The following COL11A1 variants were observed in gnomAD, a reference collection of about 807,000 sequenced individuals.
The protein encoded by COL11A1 is collagen type XI alpha 1 chain.
Under a neutral mutation model 265.2 loss-of-function variants are expected in COL11A1, and 74 were observed. That is an observed-to-expected ratio of 0.28 (90% CI 0.23 to 0.34). The LOEUF is 0.34. Ranked by LOEUF, COL11A1 falls within the 10% of genes least tolerant of loss-of-function variation. COL11A1 has a pLI of 1.00. For missense variants in COL11A1, 2,165 were observed against 2,263.6 expected (o/e 0.96, Z 0.88); for synonymous variants, 816 against 727.6 (o/e 1.12, Z -1.96).
At chr1:102,959,082 A>T (rs572906159) in intron 41 of COL11A1, among the ~76,000 whole-genome samples, 2 of 152,176 alleles carry the variant, frequency 1.3e-5, no homozygotes, top group Admixed American at 6.5e-5. Context: ...CAATGTTGAC[A>T]TTGGTCACTG....
intron 1 of COL11A1, among the ~76,000 whole-genome samples, chr1:103,085,287 G>T (rs71592265): frequency 0.041 from 6,204 of 152,200 alleles, 139 homozygotes; most frequent in Middle Eastern, 0.092. Context: ...CCAGTTCAGG[G>T]CCCCAAATGG....
intron 8 of COL11A1, 75 bp from the exon 9 acceptor site, chr1:103,021,844 TTTTTTC>T: frequency 1.7e-6 from 2 of 1,171,858 alleles, no homozygotes; most frequent in Non-Finnish European, 2.5e-6. Flanking sequence ...TCTTCTTTTT[TTTTTTC>T]TTTCTTTCTT....
chr1:102,913,357 C>T (rs1004624638), intron 53 of COL11A1, among the ~76,000 whole-genome samples: 1 of 152,062 alleles, frequency 6.6e-6, no homozygotes, highest in African/African-American at 2.4e-5. Flanking sequence ...TTTTTTAACA[C>T]AATGGATAGA....
chr1:102,883,910 C>A (rs1650598364), intron 63 of COL11A1, among the ~76,000 whole-genome samples: 1 of 152,074 alleles, frequency 6.6e-6, no homozygotes, highest in Non-Finnish European at 1.5e-5. Context: ...AATGCCATTG[C>A]TGAAATGTTG....
intron 43 of COL11A1, 106 bp from the exon 44 acceptor site, chr1:102,939,194 T>C: frequency 5.0e-6 from 5 of 996,362 alleles, no homozygotes; most frequent in Non-Finnish European, 7.9e-6. Flanking sequence ...TACATGCTAG[T>C]GTGTAATGTC....
In COL11A1 at chr1:102,979,307, G is replaced by A. The variant is rs1662809283; in HGVS notation, c.2610+75C>T. On this transcript the variant is annotated intron_variant, in intron 32 of 66. Transcript: ENST00000370096. ...CCACCTGAGCCTCACAAATATCTGG[G>A]AATACAGGCACACACCACTATGTCC... 3 of 1,316,442 alleles carry A rather than the reference G, an allele frequency of 2.3e-6. No homozygotes were observed. In the East Asian group the frequency reaches 7.1e-5, roughly 31 times the overall value. 81.5% of individuals were successfully genotyped at this position (1,316,442 alleles called of 1,614,324 possible).
intron 41 of COL11A1, among the ~76,000 whole-genome samples, chr1:102,952,596 A>G (rs1310343278): frequency 6.6e-6 from 1 of 152,202 alleles, no homozygotes; most frequent in Non-Finnish European, 1.5e-5. Context: ...CAACAGATGA[A>G]AACAAGAGAA....
At chr1:102,909,095 C>T (rs12130285) in intron 54 of COL11A1, among the ~76,000 whole-genome samples, 9,001 of 152,094 alleles carry the variant, frequency 0.059, 330 homozygotes, top group Non-Finnish European at 0.085. Flanking sequence ...CAAATCTTGG[C>T]GGTAGAGCCC....
chr1:102,957,313 T>C (rs1427237686), intron 41 of COL11A1, among the ~76,000 whole-genome samples: 1 of 152,102 alleles, frequency 6.6e-6, no homozygotes, highest in Non-Finnish European at 1.5e-5. Flanking sequence ...ATAGTAAGGA[T>C]ATAGTGCATA....
chr1:103,078,918 C>T, intron 2 of COL11A1, 47 bp from the exon 3 acceptor site: 1 of 1,335,682 alleles, frequency 7.5e-7, no homozygotes, highest in Non-Finnish European at 1.1e-6. Context: ...TTTCCAATTT[C>T]TACTTTATTC....
intron 37 of COL11A1, among the ~76,000 whole-genome samples, chr1:102,965,818 C>A (rs535523228): frequency 6.6e-6 from 1 of 152,150 alleles, no homozygotes; most frequent in South Asian, 2.1e-4. Context: ...TCCACTAGGT[C>A]AAACAACATA....
At chr1:103,079,215 T>C (rs771379961) in intron 2 of COL11A1, among the ~76,000 whole-genome samples, 1 of 152,088 alleles carries the variant, frequency 6.6e-6, no homozygotes, top group Non-Finnish European at 1.5e-5. Flanking sequence ...TGGCCTAAAG[T>C]TTGTATTTTT....
chr1:103,044,797 A>G (rs114483319), intron 4 of COL11A1, among the ~76,000 whole-genome samples: 2,461 of 152,228 alleles, frequency 0.016, 75 homozygotes, highest in African/African-American at 0.057. Context: ...AAGCTCCTGC[A>G]TTCTAGGAGT....
chr1:103,031,300 A>G, intron 4 of COL11A1, 56 bp from the exon 5 acceptor site: 1 of 1,573,688 alleles, frequency 6.4e-7, no homozygotes, highest in East Asian at 2.3e-5. Flanking sequence ...AGCATATTAA[A>G]GTACACATAT....
intron 4 of COL11A1, among the ~76,000 whole-genome samples, chr1:103,060,826 A>T (rs955361220): frequency 6.6e-6 from 1 of 152,236 alleles, no homozygotes; most frequent in East Asian, 1.9e-4. Flanking sequence ...TCAGCCAGGC[A>T]TGGTGGTACT....
chr1:103,016,631 T>C (rs1229930528), intron 11 of COL11A1, among the ~76,000 whole-genome samples: 2 of 151,946 alleles, frequency 1.3e-5, no homozygotes, highest in East Asian at 1.9e-4. Flanking sequence ...CCAACCAATA[T>C]ATAAAAAAAT....
At chr1:102,929,551 C>G (rs1344672252) in intron 46 of COL11A1, among the ~76,000 whole-genome samples, 1 of 151,954 alleles carries the variant, frequency 6.6e-6, no homozygotes, top group Non-Finnish European at 1.5e-5. Context: ...GTTTTTTTGG[C>G]TTAGGATTGA....
chr1:102,989,398 G>T, intron 29 of COL11A1, 120 bp downstream of exon 29: 1 of 533,742 alleles, frequency 1.9e-6, no homozygotes, highest in Non-Finnish European at 3.1e-6. Context: ...AATGAGTAAA[G>T]ACTTAGGTAG....
chr1:102,989,218 T>C lies in COL11A1; in HGVS notation c.2394+300A>G, dbSNP rs1000011020. Among the ~76,000 whole-genome samples, 13 of 152,006 alleles carry C rather than the reference T, an allele frequency of 8.6e-5. No individual in the cohort carries two copies. The East Asian group carries it at 1.2e-3, about 14-fold the overall frequency. ...CTAGTAATTTGATCTAACTTTCTAA[T>C]GTCCTGTGTATAAATACTAACACGT... On this transcript the variant is annotated intron_variant, in intron 29 of 66. Coordinates refer to ENST00000370096, the MANE Select transcript of COL11A1 (RefSeq NM_001854.4).
Sources: gnomAD v4.1 joint callset for allele counts (sites outside exome capture counted in the v4.1 genomes callset) on GRCh38, gnomAD v4.1.1 for gene constraint, MANE v1.5 for transcripts, NCBI Gene and HGNC (gene_info 2026-07-23, HGNC 2026-07-21) for gene names.